Variants in SLIT3 observed in about 807,000 individuals in gnomAD.
The protein encoded by SLIT3 is slit guidance ligand 3.
In SLIT3, 68 loss-of-function variants were observed where a neutral mutation model predicts 184.0. That is an observed-to-expected ratio of 0.37 (90% CI 0.30 to 0.45). The LOEUF (loss-of-function observed/expected upper bound fraction) is 0.45, where lower values mean the gene tolerates loss of function less well. SLIT3 is among the 20% of genes least tolerant of loss of function. The pLI, the probability that SLIT3 is intolerant of heterozygous loss-of-function variation, is 1.00. For missense variants in SLIT3, 1,707 were observed against 2,026.0 expected (o/e 0.84, Z 3.02); for synonymous variants, 831 against 828.6 (o/e 1.00, Z -0.05).
chr5:169,188,947 C>A (rs984012470), intron 4 of SLIT3, among the ~76,000 whole-genome samples: 1 of 152,076 alleles, frequency 6.6e-6, no homozygotes, highest in African/African-American at 2.4e-5. Flanking sequence ...CTGCAAGAGC[C>A]TAGAAAGAAC....
intron 4 of SLIT3, among the ~76,000 whole-genome samples, chr5:168,973,577 G>A (rs1203999013): frequency 2.0e-5 from 3 of 152,144 alleles, no homozygotes; most frequent in African/African-American, 2.4e-5. Flanking sequence ...GCCTTATTGA[G>A]ATAAAATTTA....
At chr5:169,215,613 A>G (rs1375819500) in intron 3 of SLIT3, among the ~76,000 whole-genome samples, 8 of 152,322 alleles carry the variant, frequency 5.3e-5, no homozygotes, top group Middle Eastern at 3.4e-3. Context: ...CTTTATTTAT[A>G]AAAGCAGGCA....
intron 4 of SLIT3, among the ~76,000 whole-genome samples, chr5:168,987,986 T>C (rs554767141): frequency 3.9e-5 from 6 of 152,302 alleles, no homozygotes; most frequent in African/African-American, 1.4e-4. Flanking sequence ...CATTAAGGTG[T>C]TCTCTTCTAG....
At chr5:168,844,875 C>G (rs1365798744) in intron 5 of SLIT3, 4 of 436,912 alleles carry the variant, frequency 9.2e-6, no homozygotes, top group African/African-American at 2.1e-5. Flanking sequence ...GCTGTCAGGT[C>G]TCAGTAAATA....
At chr5:169,164,925 C>T (rs1762586851) in intron 4 of SLIT3, among the ~76,000 whole-genome samples, 1 of 152,256 alleles carries the variant, frequency 6.6e-6, no homozygotes, top group Admixed American at 6.5e-5. Context: ...CGTTGGATGC[C>T]TGGGCTTCAG....
At position 168,701,529 on chromosome 5, in the gene SLIT3, C is replaced by T. The variant is rs376114237; in HGVS notation, c.2845-850G>A. Among the ~76,000 whole-genome samples the T allele has an allele frequency of 9.2e-5, 14 of 152,288 alleles. No individual in the cohort carries two copies. In the East Asian group the frequency reaches 9.7e-4, roughly 11 times the overall value. ...GTGGAAGGTGGGGAGAGGAGCGTGC[C>T]AGGCAGCAGGAGCAGTGAGGGCAGC... On this transcript the variant is annotated intron_variant, in intron 26 of 35. Transcript: ENST00000519560.
At chr5:169,060,113 C>T (rs1010377264) in intron 4 of SLIT3, among the ~76,000 whole-genome samples, 2 of 152,198 alleles carry the variant, frequency 1.3e-5, no homozygotes, top group African/African-American at 2.4e-5. Context: ...AAATAGGCCA[C>T]GCGCAGCGGC....
At chr5:168,907,910 C>A (rs1468821428) in intron 4 of SLIT3, among the ~76,000 whole-genome samples, 10 of 65,904 alleles carry the variant, frequency 1.5e-4, no homozygotes, top group East Asian at 6.0e-4. Context: ...ATATATAGAT[C>A]TATCTATATC....
chr5:169,263,226 C>G (rs1237975255), intron 1 of SLIT3, among the ~76,000 whole-genome samples: 1 of 152,130 alleles, frequency 6.6e-6, no homozygotes, highest in Non-Finnish European at 1.5e-5. Flanking sequence ...CCTATAGTCC[C>G]AGATACTCAG....
intron 4 of SLIT3, among the ~76,000 whole-genome samples, chr5:168,960,550 A>G (rs1445867854): frequency 6.6e-6 from 1 of 152,232 alleles, no homozygotes; most frequent in African/African-American, 2.4e-5. Flanking sequence ...ATTCAAACTC[A>G]GGCCTATTTG....
intron 12 of SLIT3, among the ~76,000 whole-genome samples, chr5:168,782,658 T>C (rs1307954393): frequency 3.9e-5 from 6 of 152,316 alleles, no homozygotes; most frequent in African/African-American, 1.4e-4. Context: ...GTTGGGATCA[T>C]GTGCCCAGTG....
At chr5:169,068,748 A>G (rs1420166755) in intron 4 of SLIT3, among the ~76,000 whole-genome samples, 1 of 151,978 alleles carries the variant, frequency 6.6e-6, no homozygotes, top group East Asian at 1.9e-4. Context: ...AGCACACACA[A>G]CACAACCCAC....
chr5:168,743,005 G>T (rs149859936), intron 20 of SLIT3, among the ~76,000 whole-genome samples: 35 of 152,184 alleles, frequency 2.3e-4, no homozygotes, highest in African/African-American at 7.7e-4. Flanking sequence ...GGTGGCATGC[G>T]CCTGTAGTCC....
Position 169,244,794 on chromosome 5 carries a change from G to A in SLIT3, c.270-18C>T. 2 of 1,611,848 alleles carry A rather than the reference G, an allele frequency of 1.2e-6. No homozygotes were observed. The highest frequency in any genetic ancestry group is 2.2e-5 in the South Asian group (2 of 91,036). On this transcript the variant is annotated intron_variant, in intron 2 of 35. Transcript: ENST00000519560. Reference sequence around the variant, plus strand: ...CCAGATGCCTACAACCACAGAGACAGCAATGACTAAGGACAAAGCTGGGCT... The same window carrying A: ...CCAGATGCCTACAACCACAGAGACAACAATGACTAAGGACAAAGCTGGGCT...
chr5:169,021,904 G>T (rs1756613884), intron 4 of SLIT3, among the ~76,000 whole-genome samples: 1 of 152,082 alleles, frequency 6.6e-6, no homozygotes, highest in African/African-American at 2.4e-5. Context: ...CAGTTCATTG[G>T]TCATACTAGA....
At chr5:169,253,555 T>C (rs2113598769) in intron 1 of SLIT3, among the ~76,000 whole-genome samples, 1 of 152,274 alleles carries the variant, frequency 6.6e-6, no homozygotes, top group African/African-American at 2.4e-5. Flanking sequence ...GGTTTCTCCA[T>C]TTACAAATGA....
intron 4 of SLIT3, among the ~76,000 whole-genome samples, chr5:168,884,421 T>TCACA (rs1453363015): frequency 3.8e-4 from 20 of 52,156 alleles, no homozygotes; most frequent in Admixed American, 9.1e-4. Context: ...TCTCTCTCTC[T>TCACA]CTCTCTCACA....
chr5:168,975,252 C>T (rs936824016), intron 4 of SLIT3, among the ~76,000 whole-genome samples: 1 of 152,172 alleles, frequency 6.6e-6, no homozygotes, highest in Non-Finnish European at 1.5e-5. Context: ...GGAAGCCCTG[C>T]AGCCACCGGG....
intron 18 of SLIT3, 138 bp from the exon 19 acceptor site, chr5:168,749,773 G>T: frequency 1.2e-6 from 1 of 826,174 alleles, no homozygotes; most frequent in Non-Finnish European, 1.9e-6. Flanking sequence ...CCCAGATGCA[G>T]TCTCTGTGAG....
Sources: gnomAD v4.1 joint callset for allele counts (sites outside exome capture counted in the v4.1 genomes callset) on GRCh38, gnomAD v4.1.1 for gene constraint, MANE v1.5 for transcripts, NCBI Gene and HGNC (gene_info 2026-07-23, HGNC 2026-07-21) for gene names.